Variants in PHACTR1 observed in about 807,000 individuals in gnomAD.
The protein encoded by PHACTR1 is phosphatase and actin regulator 1.
PHACTR1 carries 16 observed loss-of-function variants against 69.2 expected under a neutral mutation model. The observed-to-expected ratio is 0.23, with a 90% CI of 0.16 to 0.35. The LOEUF is 0.35. Ranked by LOEUF, PHACTR1 falls within the 10% of genes least tolerant of loss-of-function variation. The pLI, the probability that PHACTR1 is intolerant of heterozygous loss-of-function variation, is 1.00. For missense variants in PHACTR1, 510 were observed against 734.7 expected (o/e 0.69, Z 3.54); for synonymous variants, 312 against 284.5 (o/e 1.10, Z -0.97).
chr6:13,257,285 T>A (rs1316436602), intron 10 of PHACTR1, among the ~76,000 whole-genome samples: 3 of 152,114 alleles, frequency 2.0e-5, no homozygotes, highest in Admixed American at 2.0e-4. Flanking sequence ...TCCTAAACCA[T>A]TCATGAGAAA....
intron 5 of PHACTR1, among the ~76,000 whole-genome samples, chr6:13,158,302 TATA>T (rs1403583237): frequency 2.0e-5 from 3 of 152,302 alleles, no homozygotes; most frequent in African/African-American, 7.2e-5. Flanking sequence ...CCTGCCACCA[TATA>T]ATGTCATCTG....
chr6:13,171,966 C>T (rs1277735190), intron 6 of PHACTR1, among the ~76,000 whole-genome samples: 1 of 152,146 alleles, frequency 6.6e-6, no homozygotes, highest in East Asian at 1.9e-4. Flanking sequence ...GGGTTTTCAC[C>T]GTGTTGGCCA....
At chr6:13,220,236 G>C (rs1404937658) in intron 8 of PHACTR1, among the ~76,000 whole-genome samples, 1 of 152,202 alleles carries the variant, frequency 6.6e-6, no homozygotes, top group Non-Finnish European at 1.5e-5. Context: ...GCATCTATCT[G>C]TCCAACATCT....
rs1338810524 is a variant in PHACTR1, at chr6:13,179,406, G to A, written c.497-3113G>A. Among the ~76,000 whole-genome samples the A allele has an allele frequency of 5.0e-4, 2 of 3,964 alleles. No individual in the cohort carries two copies. Among genetic ancestry groups the A allele is most frequent in the Non-Finnish European group, 1.1e-3 (2 of 1,848 alleles). The allele number at this position is 3,964 out of a possible 152,430, so 2.6% of individuals were successfully genotyped here. On this transcript the variant is annotated intron_variant, in intron 6 of 14. Transcript: ENST00000332995. This position sits in a 1 kb window ranked among gnomAD's most constrained non-coding sequence, Gnocchi z 4.2. ...ATACAGCCCATTACATTAATGTTTC[G>A]TGTGTGTGTGTGTGTGTGTGTGTGT...
At chr6:12,799,699 T>C (rs750219971) in intron 4 of PHACTR1, among the ~76,000 whole-genome samples, 1 of 152,210 alleles carries the variant, frequency 6.6e-6, no homozygotes, top group Non-Finnish European at 1.5e-5. Context: ...TGTACAGCCA[T>C]GTGGTTAGAC....
At chr6:12,900,447 T>C (rs1333720689) in intron 4 of PHACTR1, among the ~76,000 whole-genome samples, 2 of 152,178 alleles carry the variant, frequency 1.3e-5, no homozygotes, top group African/African-American at 4.8e-5. Context: ...TAATATTTTA[T>C]CATGGGAAGC....
intron 5 of PHACTR1, among the ~76,000 whole-genome samples, chr6:13,152,740 C>T (rs1824498382): frequency 6.6e-6 from 1 of 152,172 alleles, no homozygotes; most frequent in Non-Finnish European, 1.5e-5. Flanking sequence ...GTGAGGCCAA[C>T]AGATAAGAAG....
chr6:13,163,174 G>C (rs572622178), intron 6 of PHACTR1, among the ~76,000 whole-genome samples: 1 of 152,320 alleles, frequency 6.6e-6, no homozygotes, highest in East Asian at 1.9e-4. Flanking sequence ...GAACCCAGGA[G>C]GTGGAGGTTG....
intron 4 of PHACTR1, among the ~76,000 whole-genome samples, chr6:12,758,060 C>T (rs1581619411): frequency 1.3e-5 from 2 of 151,778 alleles, no homozygotes; most frequent in Admixed American, 6.6e-5. Flanking sequence ...TACAGTGAGC[C>T]GAGGTCAAGC....
intron 4 of PHACTR1, among the ~76,000 whole-genome samples, chr6:12,906,820 C>A (rs535296755): frequency 6.6e-6 from 1 of 152,188 alleles, no homozygotes; most frequent in Non-Finnish European, 1.5e-5. Context: ...GGTTGGGTCA[C>A]GTGTCCACTC....
intron 4 of PHACTR1, among the ~76,000 whole-genome samples, chr6:12,913,286 C>T (rs1786608477): frequency 6.6e-6 from 1 of 152,234 alleles, no homozygotes; most frequent in Non-Finnish European, 1.5e-5. Context: ...CGTGAGCTCT[C>T]ACTGTGTCCC....
At chr6:13,211,988 C>G (rs779250936) in intron 8 of PHACTR1, among the ~76,000 whole-genome samples, 1 of 152,174 alleles carries the variant, frequency 6.6e-6, no homozygotes, top group African/African-American at 2.4e-5. Context: ...CGCTAGAAGT[C>G]CGAGATCAAG....
At chr6:12,798,296 G>A (rs1773316222) in intron 4 of PHACTR1, among the ~76,000 whole-genome samples, 1 of 152,144 alleles carries the variant, frequency 6.6e-6, no homozygotes, top group Non-Finnish European at 1.5e-5. Context: ...ATGAGCACAG[G>A]GGGAGATCTC....
intron 10 of PHACTR1, among the ~76,000 whole-genome samples, chr6:13,236,849 C>A (rs568903376): frequency 3.4e-4 from 51 of 152,120 alleles, no homozygotes; most frequent in African/African-American, 1.1e-3. Context: ...AGAGAAGGGA[C>A]CATGACCCCA....
chr6:13,193,932 G>A (rs1020065281), intron 7 of PHACTR1, among the ~76,000 whole-genome samples: 1 of 152,072 alleles, frequency 6.6e-6, no homozygotes. Flanking sequence ...ATCAATTGAA[G>A]GGCATTCTTC....
At chr6:13,189,395 C>A (rs543300159) in intron 7 of PHACTR1, among the ~76,000 whole-genome samples, 268 of 152,016 alleles carry the variant, frequency 1.8e-3, no homozygotes, top group African/African-American at 6.1e-3. Flanking sequence ...ATTCCCACCC[C>A]CCCTTTTTTT....
intron 10 of PHACTR1, among the ~76,000 whole-genome samples, chr6:13,255,073 G>A (rs12529141): frequency 0.16 from 23,606 of 152,082 alleles, 2,428 homozygotes; most frequent in Admixed American, 0.26. Context: ...TGCAGGTTGC[G>A]CAGGAAACAT....
At chr6:13,049,054 A>T (rs2127728237) in intron 4 of PHACTR1, among the ~76,000 whole-genome samples, 1 of 152,344 alleles carries the variant, frequency 6.6e-6, no homozygotes, top group East Asian at 1.9e-4. Flanking sequence ...TGAATTTCAT[A>T]ATAATACTTA....
chr6:12,887,856 C>T (rs1783790221), intron 4 of PHACTR1, among the ~76,000 whole-genome samples: 1 of 151,762 alleles, frequency 6.6e-6, no homozygotes, highest in Admixed American at 6.6e-5. Flanking sequence ...ATTGCCTGAG[C>T]TCAGGAGTTC....
Sources: gnomAD v4.1 joint callset for allele counts (sites outside exome capture counted in the v4.1 genomes callset) on GRCh38, gnomAD v4.1.1 for gene constraint, Gnocchi (gnomAD v3.1) non-coding constraint, MANE v1.5 for transcripts, NCBI Gene and HGNC (gene_info 2026-07-23, HGNC 2026-07-21) for gene names.